Variants in MGMT observed in about 807,000 individuals in gnomAD.
MGMT encodes O-6-methylguanine-DNA methyltransferase, also known as methylated-DNA--protein-cysteine methyltransferase.
A neutral mutation model predicts 15.9 loss-of-function variants in MGMT; 14 were observed. The observed-to-expected ratio is 0.88, with a 90% CI of 0.58 to 1.37. The LOEUF is 1.37. MGMT is among the 40% of genes most tolerant of loss of function. MGMT has a pLI of 0.00. For synonymous variants in MGMT, 130 were observed against 118.2 expected (o/e 1.10, Z -0.65); for missense variants, 282 against 268.1 (o/e 1.05, Z -0.36).
chr10:129,554,930 C>T (rs1411346601), intron 2 of MGMT, among the ~76,000 whole-genome samples: 1 of 152,170 alleles, frequency 6.6e-6, no homozygotes, highest in African/African-American at 2.4e-5. Flanking sequence ...CAAATCACTT[C>T]ACTCCATGCC....
At chr10:129,579,327 T>C (rs1027854288) in intron 2 of MGMT, among the ~76,000 whole-genome samples, 2 of 152,168 alleles carry the variant, frequency 1.3e-5, no homozygotes, top group African/African-American at 2.4e-5. Flanking sequence ...TGCTCACCTG[T>C]ACCTGCCTAC....
At chr10:129,735,396 T>A (rs972854738) in intron 3 of MGMT, among the ~76,000 whole-genome samples, 14 of 152,198 alleles carry the variant, frequency 9.2e-5, no homozygotes, top group African/African-American at 2.9e-4. Context: ...TCTGTGGGAT[T>A]GGTGATGATA....
At chr10:129,661,253 A>G (rs1316316424) in intron 2 of MGMT, among the ~76,000 whole-genome samples, 1 of 151,766 alleles carries the variant, frequency 6.6e-6, no homozygotes, top group African/African-American at 2.4e-5. Context: ...ACATTTGTGT[A>G]TGTCTGTATT....
chr10:129,652,373 C>T (rs1015480009), intron 2 of MGMT, among the ~76,000 whole-genome samples: 2 of 152,146 alleles, frequency 1.3e-5, no homozygotes, highest in Non-Finnish European at 1.5e-5. Context: ...CCTGCCTGCA[C>T]GGTGGGTCCC....
intron 2 of MGMT, among the ~76,000 whole-genome samples, chr10:129,642,267 T>C (rs1331273412): frequency 6.6e-6 from 1 of 152,166 alleles, no homozygotes; most frequent in African/African-American, 2.4e-5. Flanking sequence ...ACTTCATCAT[T>C]ATGAAATGTA....
At chr10:129,516,239 T>C (rs551174729) in intron 1 of MGMT, among the ~76,000 whole-genome samples, 1 of 152,330 alleles carries the variant, frequency 6.6e-6, no homozygotes, top group Admixed American at 6.5e-5. Context: ...CAAGATCTCA[T>C]CACGACCCAC....
rs1847572850 is a variant in MGMT at position 129,659,586 on chromosome 10, G to A, written c.126-48309G>A. On this transcript the variant is annotated intron_variant, in intron 2 of 4. Coordinates refer to ENST00000651593, the MANE Select transcript of MGMT (RefSeq NM_002412.5). The surrounding 1 kb of genome is among the most constrained non-coding windows in gnomAD (Gnocchi z 4.1). Reference sequence around the variant, plus strand: ...GAGGCTACTGGCATTATTATTTAATGATGAGTTAGTGCAAATTGAGGGGTG... The same window carrying A: ...GAGGCTACTGGCATTATTATTTAATAATGAGTTAGTGCAAATTGAGGGGTG... Among the ~76,000 whole-genome samples the A allele has an allele frequency of 6.6e-6, 1 of 152,174 alleles. No individual in the cohort carries two copies. Among genetic ancestry groups the A allele is most frequent in the Non-Finnish European group, 1.5e-5 (1 of 68,032 alleles).
rs1039812700 is a variant in MGMT, at chr10:129,506,786, C to T, written c.-12-29455C>T. ...TTATTCAACGTACATAGTACAAATA[C>T]CTTCTTAATCTACCCCCTTTAAACT... On this transcript the variant is annotated intron_variant, in intron 1 of 4. Coordinates refer to ENST00000651593, the MANE Select transcript of MGMT (RefSeq NM_002412.5). Among the ~76,000 whole-genome samples the T allele has an allele frequency of 1.5e-4, 23 of 152,198 alleles. 1 individual carries two copies. The highest frequency in any genetic ancestry group is 2.1e-4 in the South Asian group (1 of 4,826).
chr10:129,567,515 G>A (rs1403492972), intron 2 of MGMT, among the ~76,000 whole-genome samples: 2 of 152,110 alleles, frequency 1.3e-5, no homozygotes, highest in Non-Finnish European at 2.9e-5. Flanking sequence ...ATGATCATGG[G>A]GTTCAGGGTG....
At chr10:129,744,647 G>T (rs563325160) in intron 3 of MGMT, among the ~76,000 whole-genome samples, 1 of 152,188 alleles carries the variant, frequency 6.6e-6, no homozygotes, top group Admixed American at 6.5e-5. Context: ...GCTTTCCTGC[G>T]TGCCACGGAG....
chr10:129,473,430 T>C (rs563831421), intron 1 of MGMT, among the ~76,000 whole-genome samples: 1 of 152,292 alleles, frequency 6.6e-6, no homozygotes, highest in South Asian at 2.1e-4. Flanking sequence ...CACCACCCCA[T>C]GAAGGAGAAG....
Position 129,705,026 on chromosome 10 carries a change from C to G in MGMT, c.126-2869C>G, listed in dbSNP as rs559017977. On this transcript the variant is annotated intron_variant, in intron 2 of 4. Coordinates refer to ENST00000651593, the MANE Select transcript of MGMT (RefSeq NM_002412.5). ...TCCCCCAACAATGGAAGGCAAGCAC[C>G]GCTCCACACGAAAATAACAACACGG... Among the ~76,000 whole-genome samples the G allele has an allele frequency of 7.9e-5, 12 of 152,282 alleles. No homozygotes were observed. In the South Asian group the frequency reaches 1.9e-3, roughly 24 times the overall value.
chr10:129,687,073 C>T (rs1415370328), intron 2 of MGMT, among the ~76,000 whole-genome samples: 1 of 152,134 alleles, frequency 6.6e-6, no homozygotes, highest in Non-Finnish European at 1.5e-5. Flanking sequence ...TCGCTGCAAC[C>T]CTGTGTCACA....
intron 2 of MGMT, among the ~76,000 whole-genome samples, chr10:129,541,238 C>T (rs910696686): frequency 3.3e-5 from 5 of 152,250 alleles, no homozygotes; most frequent in African/African-American, 1.2e-4. Flanking sequence ...AGAAGCACAT[C>T]AGTTGGGAAA....
intron 2 of MGMT, chr10:129,701,051 T>C (rs2282165): frequency 0.063 from 9,593 of 152,224 alleles, 795 homozygotes; most frequent in African/African-American, 0.19. Flanking sequence ...ACTAGCTGGG[T>C]TTGGAAAATG....
intron 2 of MGMT, among the ~76,000 whole-genome samples, chr10:129,638,446 G>GAAAAAAAAAAAAAAAAAA (rs1157292152): frequency 9.3e-5 from 9 of 96,304 alleles, no homozygotes; most frequent in South Asian, 3.9e-4. Context: ...AAAAAAAAAA[G>GAAAAAAAAAAAAAAAAAA]AAAAAAAAAA....
chr10:129,663,041 C>G (rs777288760), intron 2 of MGMT, among the ~76,000 whole-genome samples: 10 of 152,154 alleles, frequency 6.6e-5, no homozygotes, highest in Non-Finnish European at 1.5e-4. Context: ...CCCAAACAAC[C>G]TATCCCGTCA....
chr10:129,682,997 C>T (rs181759493), intron 2 of MGMT, among the ~76,000 whole-genome samples: 14 of 152,272 alleles, frequency 9.2e-5, no homozygotes, highest in Admixed American at 5.9e-4. Context: ...TATAGGCGCA[C>T]GCCACCATGT....
chr10:129,542,266 C>T (rs1846050332), intron 2 of MGMT, among the ~76,000 whole-genome samples: 1 of 152,136 alleles, frequency 6.6e-6, no homozygotes, highest in African/African-American at 2.4e-5. Context: ...TTGGTATGTG[C>T]ACCTGCCGAG....
Sources: allele counts gnomAD v4.1 joint callset (sites outside exome capture counted in the v4.1 genomes callset), GRCh38; gene constraint gnomAD v4.1.1; non-coding constraint Gnocchi (gnomAD v3.1); transcripts MANE v1.5; gene names NCBI Gene and HGNC (gene_info 2026-07-23, HGNC 2026-07-21).